The following PPP2R3B variants were observed in gnomAD, a reference collection of about 807,000 sequenced individuals.
PPP2R3B encodes protein phosphatase 2 regulatory subunit B''beta.
A neutral mutation model predicts 72.9 loss-of-function variants in PPP2R3B; 68 were observed. That is an observed-to-expected ratio of 0.93 (90% CI 0.77 to 1.14). The LOEUF (loss-of-function observed/expected upper bound fraction) is 1.14. PPP2R3B is among the 50% of genes most tolerant of loss of function. The pLI is 0.00. For missense variants in PPP2R3B, 1,018 were observed against 842.0 expected (o/e 1.21, Z -2.59); for synonymous variants, 466 against 375.8 (o/e 1.24, Z -2.78).
At chrX:363,940 A>G (rs143177804) in intron 1 of PPP2R3B, among the ~76,000 whole-genome samples, 4,439 of 152,362 alleles carry the variant, frequency 0.029, 228 homozygotes, top group African/African-American at 0.1. Context: ...AAAACTGCCA[A>G]GAACCCTGGA....
At chrX:351,280 G>C (rs1313336307) in intron 2 of PPP2R3B, among the ~76,000 whole-genome samples, 1 of 152,134 alleles carries the variant, frequency 6.6e-6, no homozygotes, top group Non-Finnish European at 1.5e-5. Context: ...CCTTGGGCTA[G>C]TGCTAGTCCC....
intron 4 of PPP2R3B, 48 bp from the exon 5 acceptor site, chrX:346,823 C>T (rs1051211358): frequency 1.1e-5 from 17 of 1,555,398 alleles, no homozygotes; most frequent in Admixed American, 3.5e-5. Context: ...CCGGCCCTCC[C>T]GTGAGGTGTG....
intron 1 of PPP2R3B, among the ~76,000 whole-genome samples, chrX:383,092 G>C (rs2124425575): frequency 6.6e-6 from 1 of 152,300 alleles, no homozygotes; most frequent in Non-Finnish European, 1.5e-5. Context: ...TCCTGGATCG[G>C]GATCTGGAGG....
intron 9 of PPP2R3B, 158 bp from the exon 10 acceptor site, chrX:341,098 C>T (rs1187781428): frequency 1.0e-5 from 7 of 677,488 alleles, no homozygotes; most frequent in Admixed American, 6.4e-5. Flanking sequence ...CCGCCCCCAC[C>T]GGGCGCGCAC....
At chrX:350,898 G>A (rs1304867017) in intron 2 of PPP2R3B, among the ~76,000 whole-genome samples, 6 of 152,168 alleles carry the variant, frequency 3.9e-5, no homozygotes, top group African/African-American at 1.2e-4. Flanking sequence ...AGATGGGGAC[G>A]TCGGCTGCTT....
Position 341,155 on chromosome X carries a change from CCT to C in PPP2R3B, c.1175+150_1175+151del, listed in dbSNP as rs1490056745. ...CCCCCACCAGGCGTGCACATGTCCCCCTGTGCCGTGCAGCCCCCACCGGGCGT... is the reference window on the plus strand; with the variant it reads ...CCCCCACCAGGCGTGCACATGTCCCCGTGCCGTGCAGCCCCCACCGGGCGT... On this transcript the variant is annotated intron_variant, in intron 9 of 12. Coordinates refer to ENST00000390665, the MANE Select transcript of PPP2R3B (RefSeq NM_013239.5). 1.0e-5 allele frequency: 8 copies of C among 767,762 alleles called. No homozygotes were observed. In the Admixed American group the frequency reaches 1.6e-4, roughly 15 times the overall value. 47.6% of individuals were successfully genotyped at this position (767,762 alleles called of 1,614,324 possible).
intron 2 of PPP2R3B, among the ~76,000 whole-genome samples, chrX:358,522 C>T (rs1449643653): frequency 2.0e-5 from 3 of 152,230 alleles, no homozygotes; most frequent in Non-Finnish European, 2.9e-5. Flanking sequence ...TCTCAGAGCT[C>T]TCCCCTGCCC....
At chrX:380,497 C>G (rs1435226021) in intron 1 of PPP2R3B, among the ~76,000 whole-genome samples, 1 of 152,134 alleles carries the variant, frequency 6.6e-6, no homozygotes, top group East Asian at 1.9e-4. Context: ...CAAAATCGTG[C>G]AGTACTGGCC....
In PPP2R3B at chrX:386,576, A is replaced by T; in HGVS notation, c.116T>A (p.Ile39Asn). 5.5e-6 allele frequency: 8 copies of T among 1,447,600 alleles called. No homozygotes were observed. Among genetic ancestry groups the T allele is most frequent in the Non-Finnish European group, 7.3e-6 (8 of 1,100,144 alleles). 89.7% of individuals were successfully genotyped at this position (1,447,600 alleles called of 1,614,324 possible). Residue 39 changes from isoleucine to asparagine, a missense_variant, in exon 1 of 13, where the codon ATC (isoleucine) becomes AAC (asparagine). By Grantham distance (149) the Ile-to-Asn change is moderately radical. Transcript: ENST00000390665. ...QRMLQDCLRR[I>N]KAPGRDQPTP... ...CGGCTGGTCCCGCCCGGGCGCCTTG[A>T]TCCGGCGCAGGCAGTCCTGCAGCAT...
chrX:362,124 G>A (rs894221537), intron 1 of PPP2R3B: 16 of 171,676 alleles, frequency 9.3e-5, no homozygotes, highest in Non-Finnish European at 1.5e-4. Context: ...AGAAGGGGTC[G>A]ACCACCAGGT....
At chrX:364,522 A>AAC (rs1491248909) in intron 1 of PPP2R3B, among the ~76,000 whole-genome samples, 4 of 40,828 alleles carry the variant, frequency 9.8e-5, no homozygotes, top group African/African-American at 4.1e-4. Context: ...AAAAAAAAAC[A>AAC]AAAAAAAAAA....
rs181370750 is a variant in PPP2R3B at position 369,682 on chromosome X, C to T, written c.325-8092G>A. On this transcript the variant is annotated intron_variant, in intron 1 of 12. Coordinates refer to ENST00000390665, the MANE Select transcript of PPP2R3B (RefSeq NM_013239.5). ...CAGACCCCCGCATGTGCAGAGGGTG[C>T]GCACAGCAGGCAGGGCGCGGTGACC... 4.9e-3 allele frequency among the ~76,000 whole-genome samples: 750 copies of T among 152,330 alleles called. 11 individuals are homozygous for T. The highest frequency in any genetic ancestry group is 0.017 in the African/African-American group (715 of 41,580).
chrX:335,806 C>T (rs747224877), intron 12 of PPP2R3B: 3 of 152,306 alleles, frequency 2.0e-5, no homozygotes, highest in Admixed American at 6.5e-5. Context: ...ATCAGAGTCA[C>T]GAGCAGGAAA....
rs150131058 is a variant in PPP2R3B at position 360,483 on chromosome X, G to A, written c.510+922C>T. ...CAGAAGGTGGAGGTTGCAGTGAGCC[G>A]AGATTACACCACTGCACTCCAGCCT... On this transcript the variant is annotated intron_variant, in intron 2 of 12. Transcript: ENST00000390665. Among the ~76,000 whole-genome samples, 658 of 152,214 alleles carry A rather than the reference G, an allele frequency of 4.3e-3. 9 individuals carry two copies. The highest frequency in any genetic ancestry group is 0.015 in the African/African-American group (618 of 41,534).
intron 2 of PPP2R3B, 59 bp from the exon 3 acceptor site, chrX:347,752 T>G (rs1219895339): frequency 7.6e-7 from 1 of 1,323,972 alleles, no homozygotes; most frequent in African/African-American, 1.5e-5. Context: ...GCGCTCCTGC[T>G]GCGTACCTCG....
chrX:346,855 G>T, intron 4 of PPP2R3B, 80 bp from the exon 5 acceptor site: 3 of 1,322,450 alleles, frequency 2.3e-6, no homozygotes, highest in Non-Finnish European at 3.2e-6. Context: ...CTGCAGACGC[G>T]GACCCTCCCG....
At chrX:347,393 CA>C in intron 3 of PPP2R3B, 57 bp from the exon 4 acceptor site, 2 of 1,527,188 alleles carry the variant, frequency 1.3e-6, no homozygotes, top group Non-Finnish European at 1.8e-6. Flanking sequence ...TTCGACCCCG[CA>C]GACGCAGGGT....
At chrX:373,615 G>C (rs967140644) in intron 1 of PPP2R3B, 14 of 296,102 alleles carry the variant, frequency 4.7e-5, no homozygotes, top group Admixed American at 1.3e-4. Context: ...AGCTCCTGGC[G>C]CAGGTCGGGG....
chrX:334,543 T>C, intron 12 of PPP2R3B, 26 bp from the exon 13 acceptor site: 3 of 1,511,580 alleles, frequency 2.0e-6, no homozygotes, highest in Non-Finnish European at 2.6e-6. Flanking sequence ...GGCGAAGACG[T>C]GGCCAGCAGC....
Sources: gnomAD v4.1 joint callset for allele counts (sites outside exome capture counted in the v4.1 genomes callset) on GRCh38, gnomAD v4.1.1 for gene constraint, MANE v1.5 for transcripts, NCBI Gene and HGNC (gene_info 2026-07-23, HGNC 2026-07-21) for gene names.